The following GSDMC variants were observed in gnomAD, a reference collection of about 807,000 sequenced individuals.
GSDMC encodes gasdermin-C.
GSDMC carries 59 observed loss-of-function variants against 58.0 expected under a neutral mutation model. That is an observed-to-expected ratio of 1.02 (90% CI 0.82 to 1.26). The LOEUF is 1.26. Ranked by LOEUF, GSDMC falls within the 50% of genes most tolerant of loss-of-function variation. GSDMC has a pLI of 0.00. For missense variants in GSDMC, 659 were observed against 598.5 expected (o/e 1.10, Z -1.06); for synonymous variants, 241 against 220.2 (o/e 1.09, Z -0.83).
intron 3 of GSDMC, among the ~76,000 whole-genome samples, chr8:129,771,322 C>T (rs1436558400): frequency 2.6e-5 from 4 of 151,898 alleles, no homozygotes; most frequent in Non-Finnish European, 5.9e-5. Context: ...CCAAATGAAC[C>T]TAACAGACAT....
chr8:129,776,571 T>A (rs2034233254), intron 2 of GSDMC, among the ~76,000 whole-genome samples: 1 of 152,156 alleles, frequency 6.6e-6, no homozygotes, highest in African/African-American at 2.4e-5. Context: ...ACCCCTGGGA[T>A]CATCCTTTCA....
intron 7 of GSDMC, 101 bp downstream of exon 7, chr8:129,752,597 A>AC: frequency 2.7e-6 from 4 of 1,504,274 alleles, no homozygotes; most frequent in Non-Finnish European, 3.6e-6. Flanking sequence ...ATAGAAGCCT[A>AC]CATGGTTCAT....
At chr8:129,710,109 C>T in the GSDMC span, among the ~76,000 whole-genome samples, 1 of 152,124 alleles carries the variant, frequency 6.6e-6, no homozygotes, top group Non-Finnish European at 1.5e-5. Context: ...TTTTTCTTCT[C>T]TTCATGCACG....
the GSDMC span, among the ~76,000 whole-genome samples, chr8:129,721,956 T>G: frequency 6.6e-6 from 1 of 152,054 alleles, no homozygotes; most frequent in Non-Finnish European, 1.5e-5. Context: ...TCACAATGAC[T>G]TAGAGTGGAA....
chr8:129,782,239 A>G (rs370360120), intron 1 of GSDMC, among the ~76,000 whole-genome samples: 164 of 152,294 alleles, frequency 1.1e-3, no homozygotes, highest in African/African-American at 3.6e-3. Flanking sequence ...ATTTATAGCT[A>G]TAAGTGTCTA....
the GSDMC span, among the ~76,000 whole-genome samples, chr8:129,733,759 C>T: frequency 4.2e-4 from 61 of 144,494 alleles, no homozygotes; most frequent in African/African-American, 1.7e-3. Flanking sequence ...CAGAGCGCCT[C>T]TTCTCCTCCA....
the GSDMC span, chr8:129,722,878 A>G: frequency 6.6e-6 from 1 of 152,208 alleles, no homozygotes; most frequent in African/African-American, 2.4e-5. Context: ...AATTTTGAGA[A>G]TTAAGCTGAT....
At position 129,752,751 on chromosome 8, in the gene GSDMC, G is replaced by A. The variant is rs2033263100; in HGVS notation, c.791C>T (p.Thr264Ile). ...GGCATTGAAGAGGGTTGGAGAGATG[G>A]TATGAAATGATGGTAGCAACCCCTC... ...RSEGLLPSFHTISPTLFNASS... is the reference protein window; with the variant it reads ...RSEGLLPSFHIISPTLFNASS... The change falls in exon 7 of 14, where the codon ACC (threonine) becomes ATC (isoleucine). Residue 264 changes from threonine (T) to isoleucine (I), a missense_variant. Transcript: ENST00000276708. The A allele has an allele frequency of 6.2e-7, 1 of 1,614,212 alleles. No individual in the cohort carries two copies. The highest frequency in any genetic ancestry group is 2.2e-5 in the East Asian group (1 of 44,886).
the GSDMC span, among the ~76,000 whole-genome samples, chr8:129,725,389 T>C: frequency 6.6e-6 from 1 of 152,138 alleles, no homozygotes. Flanking sequence ...ATTTCCAGAG[T>C]TGATATTGTG....
chr8:129,752,983 T>C (rs760000201), intron 6 of GSDMC, 163 bp from the exon 7 acceptor site: 96 of 1,291,382 alleles, frequency 7.4e-5, no homozygotes, highest in Middle Eastern at 5.5e-4. Flanking sequence ...ATTCCTTCTT[T>C]CAGAACTCAA....
At chr8:129,748,785 A>G in intron 13 of GSDMC, 45 bp from the exon 14 acceptor site, 1 of 1,444,836 alleles carries the variant, frequency 6.9e-7, no homozygotes, top group Non-Finnish European at 9.2e-7. Flanking sequence ...CTTTAAGATG[A>G]GGAAGAGAAG....
At chr8:129,726,716 C>T in the GSDMC span, among the ~76,000 whole-genome samples, 1 of 152,216 alleles carries the variant, frequency 6.6e-6, no homozygotes, top group South Asian at 2.1e-4. Context: ...AGAGAAACTT[C>T]CTGGATGTCA....
intron 7 of GSDMC, 82 bp downstream of exon 7, chr8:129,752,616 C>T (rs1043325439): frequency 1.7e-5 from 26 of 1,553,880 alleles, no homozygotes; most frequent in East Asian, 2.3e-5. Flanking sequence ...ATACACCCCA[C>T]ATAAACACCA....
chr8:129,718,502 G>A, the GSDMC span, among the ~76,000 whole-genome samples: 1 of 152,314 alleles, frequency 6.6e-6, no homozygotes, highest in African/African-American at 2.4e-5. Flanking sequence ...ACACCAGGTA[G>A]AACGGTGATT....
intron 10 of GSDMC, 147 bp from the exon 11 acceptor site, chr8:129,750,717 G>A (rs1003596116): frequency 5.5e-6 from 4 of 729,374 alleles, no homozygotes; most frequent in Non-Finnish European, 6.9e-6. Flanking sequence ...CTAATGGCAT[G>A]CTTGAGCTTT....
At chr8:129,719,006 G>A in the GSDMC span, among the ~76,000 whole-genome samples, 2 of 152,100 alleles carry the variant, frequency 1.3e-5, no homozygotes, top group Non-Finnish European at 2.9e-5. Context: ...ACACAGGGAG[G>A]GGAGTATCAC....
At chr8:129,761,083 A>G (rs2033641192) in intron 5 of GSDMC, among the ~76,000 whole-genome samples, 1 of 152,200 alleles carries the variant, frequency 6.6e-6, no homozygotes, top group Non-Finnish European at 1.5e-5. Flanking sequence ...AGCTAGCCTC[A>G]CAGCAGTGAC....
chr8:129,771,907 A>T (rs1236057508), intron 3 of GSDMC, among the ~76,000 whole-genome samples: 3 of 152,236 alleles, frequency 2.0e-5, no homozygotes, highest in Non-Finnish European at 4.4e-5. Flanking sequence ...GTTTATAAAC[A>T]CCTACATTAA....
chr8:129,752,282 A>G (rs549585319), intron 7 of GSDMC, 135 bp from the exon 8 acceptor site: 2 of 755,230 alleles, frequency 2.6e-6, no homozygotes, highest in South Asian at 3.4e-5. Context: ...CCATCAGTTC[A>G]GTTAAAAAAC....
Sources: allele counts gnomAD v4.1 joint callset (sites outside exome capture counted in the v4.1 genomes callset), GRCh38; gene constraint gnomAD v4.1.1; transcripts MANE v1.5; gene names NCBI Gene and HGNC (gene_info 2026-07-23, HGNC 2026-07-21).